The following ARHGAP26 variants were observed in gnomAD, a reference collection of about 807,000 sequenced individuals.
The protein encoded by ARHGAP26 is Rho GTPase activating protein 26.
A neutral mutation model predicts 104.8 loss-of-function variants in ARHGAP26; 38 were observed. The ratio of observed to expected loss-of-function variants is 0.36; its 90% CI spans 0.28 to 0.48. The LOEUF is 0.48. Among genes scored for constraint, ARHGAP26 ranks in the 20% least tolerant of loss-of-function variants. The pLI is 0.99. For synonymous variants in ARHGAP26, 341 were observed against 340.0 expected, an observed-to-expected ratio of 1.00 and a Z score of -0.03; for missense variants, 704 against 947.9, an observed-to-expected ratio of 0.74 and a Z score of 3.38.
intron 11 of ARHGAP26, among the ~76,000 whole-genome samples, chr5:142,981,431 G>GGT (rs1164513268): frequency 6.6e-6 from 1 of 152,122 alleles, no homozygotes; most frequent in Non-Finnish European, 1.5e-5. Context: ...TAAATGCCCT[G>GGT]GTGGTCTTTC....
intron 14 of ARHGAP26, among the ~76,000 whole-genome samples, chr5:143,049,674 C>T (rs1166983695): frequency 1.3e-5 from 2 of 152,146 alleles, no homozygotes; most frequent in East Asian, 1.9e-4. Flanking sequence ...TGCTATTTTC[C>T]TGATTCCTGT....
intron 20 of ARHGAP26, among the ~76,000 whole-genome samples, chr5:143,180,007 G>A (rs983446770): frequency 6.6e-6 from 1 of 152,144 alleles, no homozygotes; most frequent in African/African-American, 2.4e-5. Context: ...TTTTGTCTTT[G>A]GTGGCACCAC....
chr5:142,905,359 C>T (rs1760955169), intron 8 of ARHGAP26, among the ~76,000 whole-genome samples: 1 of 152,024 alleles, frequency 6.6e-6, no homozygotes, highest in Non-Finnish European at 1.5e-5. Context: ...TGTTCCCTAA[C>T]ACAGTCCAGA....
intron 20 of ARHGAP26, among the ~76,000 whole-genome samples, chr5:143,189,485 T>C (rs974759355): frequency 1.4e-4 from 22 of 152,176 alleles, no homozygotes; most frequent in Non-Finnish European, 3.1e-4. Flanking sequence ...ATTTCATAGC[T>C]CTTAATACCA....
intron 1 of ARHGAP26, among the ~76,000 whole-genome samples, chr5:142,802,747 T>G (rs993356333): frequency 2.0e-5 from 3 of 152,146 alleles, no homozygotes; most frequent in Non-Finnish European, 4.4e-5. Flanking sequence ...AATTTAGAAT[T>G]AGCTCAGGGA....
rs893480880 is a variant in ARHGAP26 at position 142,770,736 on chromosome 5, C to T, written c.-26C>T. On this transcript the variant is annotated 5_prime_UTR_variant, in exon 1 of 23. Coordinates refer to ENST00000645722, the MANE Select transcript of ARHGAP26 (RefSeq NM_001135608.3). ...CGGCCCGGGCCCCGGCGGAGGCGCG[C>T]CCCCCGGCTGGGCGCCGCGCGCACC... 3 of 1,278,946 alleles carry T rather than the reference C, an allele frequency of 2.3e-6. No homozygotes were observed. Among genetic ancestry groups the T allele is most frequent in the African/African-American group, 1.6e-5 (1 of 64,468 alleles). 79.2% of individuals were successfully genotyped at this position (1,278,946 alleles called of 1,614,324 possible).
At chr5:142,771,108 C>T (rs902467423) in intron 1 of ARHGAP26, 193 bp downstream of exon 1, 4 of 1,316,096 alleles carry the variant, frequency 3.0e-6, no homozygotes, top group Non-Finnish European at 3.9e-6. Context: ...GAGAGAGACC[C>T]GTCGCTCCGC....
chr5:142,958,002 C>G (rs1359115672), intron 11 of ARHGAP26, among the ~76,000 whole-genome samples: 2 of 152,148 alleles, frequency 1.3e-5, no homozygotes, highest in Non-Finnish European at 2.9e-5. Flanking sequence ...GAATGGCATG[C>G]AACTTTAACA....
chr5:143,112,497 A>G (rs1030198456), intron 17 of ARHGAP26, among the ~76,000 whole-genome samples: 3 of 152,336 alleles, frequency 2.0e-5, no homozygotes, highest in Admixed American at 6.5e-5. Flanking sequence ...AAACTTTACT[A>G]CCTTGACTAT....
intron 12 of ARHGAP26, among the ~76,000 whole-genome samples, chr5:143,026,538 A>G (rs1391933809): frequency 6.6e-6 from 1 of 152,080 alleles, no homozygotes; most frequent in Non-Finnish European, 1.5e-5. Flanking sequence ...GGAGTGACCA[A>G]CATGTGCAGA....
At chr5:142,948,130 G>T (rs1410571106) in intron 11 of ARHGAP26, among the ~76,000 whole-genome samples, 1 of 152,104 alleles carries the variant, frequency 6.6e-6, no homozygotes, top group African/African-American at 2.4e-5. Flanking sequence ...CACTTTAGAC[G>T]TGGCACTTTC....
At chr5:143,029,150 T>C (rs540545054) in intron 12 of ARHGAP26, among the ~76,000 whole-genome samples, 3 of 152,312 alleles carry the variant, frequency 2.0e-5, no homozygotes, top group African/African-American at 7.2e-5. Context: ...TTGGAAATTA[T>C]TCTTCAGGTG....
intron 11 of ARHGAP26, among the ~76,000 whole-genome samples, chr5:143,007,866 G>A (rs1231745390): frequency 6.6e-6 from 1 of 152,176 alleles, no homozygotes; most frequent in Admixed American, 6.5e-5. Flanking sequence ...TTTAAACGTT[G>A]ACCTTAGATT....
chr5:143,181,202 C>T (rs1050425466), intron 20 of ARHGAP26, among the ~76,000 whole-genome samples: 4 of 152,228 alleles, frequency 2.6e-5, no homozygotes, highest in African/African-American at 9.6e-5. Context: ...CAGCACTCTC[C>T]TGCATAAGAG....
At chr5:142,997,985 A>T (rs1164821299) in intron 11 of ARHGAP26, among the ~76,000 whole-genome samples, 1 of 152,228 alleles carries the variant, frequency 6.6e-6, no homozygotes, top group East Asian at 1.9e-4. Context: ...TTTGGACAGA[A>T]ATACACATAA....
At chr5:142,870,672 G>A (rs1755153415) in intron 1 of ARHGAP26, among the ~76,000 whole-genome samples, 1 of 152,228 alleles carries the variant, frequency 6.6e-6, no homozygotes, top group African/African-American at 2.4e-5. Flanking sequence ...TGCCTATACA[G>A]TGTTTCTCAC....
chr5:143,172,223 A>G (rs963464525), intron 20 of ARHGAP26, among the ~76,000 whole-genome samples: 5 of 152,212 alleles, frequency 3.3e-5, no homozygotes, highest in African/African-American at 1.2e-4. Context: ...GACATGTGCC[A>G]GGTATCTGGT....
At chr5:142,783,329 A>T (rs1319175385) in intron 1 of ARHGAP26, among the ~76,000 whole-genome samples, 1 of 152,240 alleles carries the variant, frequency 6.6e-6, no homozygotes. Context: ...GGAACCCTTC[A>T]GCAGCATTGC....
At chr5:143,037,008 A>G (rs1368532921) in intron 12 of ARHGAP26, among the ~76,000 whole-genome samples, 188 bp from the exon 13 acceptor site, 3 of 152,210 alleles carry the variant, frequency 2.0e-5, no homozygotes, top group Non-Finnish European at 4.4e-5. Context: ...CATACCTAGC[A>G]TATGGAAAGC....
Sources: gnomAD v4.1 joint callset for allele counts (sites outside exome capture counted in the v4.1 genomes callset) on GRCh38, gnomAD v4.1.1 for gene constraint, MANE v1.5 for transcripts, NCBI Gene and HGNC (gene_info 2026-07-23, HGNC 2026-07-21) for gene names.